The following CDH13 variants were observed in gnomAD, a reference collection of about 807,000 sequenced individuals.
The protein encoded by CDH13 is cadherin-13.
In CDH13, 24 loss-of-function variants were observed where a neutral mutation model predicts 63.8. The ratio of observed to expected loss-of-function variants is 0.38; its 90% CI spans 0.27 to 0.53. The LOEUF is 0.53. CDH13 is among the 20% of genes least tolerant of loss of function. The pLI is 0.85. For synonymous variants in CDH13, 503 were observed against 355.3 expected (o/e 1.42, Z -4.67); for missense variants, 1,049 against 903.1 (o/e 1.16, Z -2.07).
chr16:83,200,062 C>T (rs1307103794), intron 4 of CDH13, among the ~76,000 whole-genome samples: 1 of 152,132 alleles, frequency 6.6e-6, no homozygotes, highest in African/African-American at 2.4e-5. Flanking sequence ...CTGGACAGCG[C>T]CTCATTCCTT....
chr16:83,070,931 T>C (rs2032387423), intron 3 of CDH13, among the ~76,000 whole-genome samples: 1 of 145,876 alleles, frequency 6.9e-6, no homozygotes, highest in African/African-American at 2.5e-5. Context: ...CCAATTTAAG[T>C]TAGGAGGGGA....
intron 7 of CDH13, among the ~76,000 whole-genome samples, chr16:83,521,385 A>T (rs566305895): frequency 2.6e-5 from 4 of 152,304 alleles, no homozygotes; most frequent in Non-Finnish European, 5.9e-5. Flanking sequence ...TGGAAAAAAA[A>T]TTGTATTTTT....
chr16:83,369,840 C>T (rs922198506), intron 6 of CDH13, among the ~76,000 whole-genome samples: 2 of 152,160 alleles, frequency 1.3e-5, no homozygotes, highest in Admixed American at 6.5e-5. Context: ...AAACTGTGAG[C>T]CTCGTGTTTG....
At chr16:82,840,179 C>T (rs1240795908) in intron 1 of CDH13, among the ~76,000 whole-genome samples, 1 of 152,058 alleles carries the variant, frequency 6.6e-6, no homozygotes, top group African/African-American at 2.4e-5. Context: ...AATCTGTATT[C>T]AGATACACCG....
intron 2 of CDH13, among the ~76,000 whole-genome samples, chr16:82,996,467 C>G (rs189244890): frequency 6.6e-6 from 1 of 152,006 alleles, no homozygotes; most frequent in African/African-American, 2.4e-5. Context: ...ATCTCTCTGC[C>G]GGGCTAGTCT....
chr16:83,766,443 C>G (rs1037478536), intron 11 of CDH13, among the ~76,000 whole-genome samples: 4 of 152,184 alleles, frequency 2.6e-5, no homozygotes, highest in Admixed American at 6.5e-5. Context: ...ATGCTGAGCA[C>G]TTATTATATG....
intron 7 of CDH13, among the ~76,000 whole-genome samples, chr16:83,513,532 A>G (rs1217578668): frequency 6.6e-6 from 1 of 152,186 alleles, no homozygotes; most frequent in East Asian, 1.9e-4. Flanking sequence ...GTGGTTGGGA[A>G]GGCCTCAGGA....
chr16:83,278,510 G>C (rs1422726677), intron 5 of CDH13, among the ~76,000 whole-genome samples: 1 of 152,140 alleles, frequency 6.6e-6, no homozygotes, highest in South Asian at 2.1e-4. Flanking sequence ...CGTTATAGTT[G>C]GTTTTGAGTT....
chr16:82,702,526 G>A (rs1203527555), intron 1 of CDH13, among the ~76,000 whole-genome samples: 2 of 152,170 alleles, frequency 1.3e-5, no homozygotes, highest in Non-Finnish European at 2.9e-5. Context: ...ATTAAGAGAA[G>A]TTAATGGAGG....
chr16:83,041,486 AAT>A (rs1167365949), intron 3 of CDH13, among the ~76,000 whole-genome samples: 8 of 152,148 alleles, frequency 5.3e-5, no homozygotes, highest in Admixed American at 5.2e-4. Flanking sequence ...AAAAATATAA[AAT>A]ATATCGTCAA....
chr16:82,873,469 T>A (rs1393255610), intron 2 of CDH13, among the ~76,000 whole-genome samples: 2 of 152,186 alleles, frequency 1.3e-5, no homozygotes, highest in East Asian at 3.9e-4. Context: ...TCATTGCCTC[T>A]GAGAACAGAC....
intron 3 of CDH13, among the ~76,000 whole-genome samples, chr16:83,085,730 C>A (rs1034488378): frequency 6.6e-6 from 1 of 152,140 alleles, no homozygotes; most frequent in African/African-American, 2.4e-5. Flanking sequence ...AACCATGTCA[C>A]TATGGGTTGT....
At chr16:83,792,530 A>G (rs1916342027) in intron 13 of CDH13, among the ~76,000 whole-genome samples, 1 of 152,174 alleles carries the variant, frequency 6.6e-6, no homozygotes, top group African/African-American at 2.4e-5. Flanking sequence ...ATGTCTAGAG[A>G]CATTTTGATT....
chr16:82,885,505 A>G (rs1422370598), intron 2 of CDH13, among the ~76,000 whole-genome samples: 3 of 135,988 alleles, frequency 2.2e-5, no homozygotes, highest in Non-Finnish European at 4.6e-5. Context: ...CCATCCACCC[A>G]TCCATCTATC....
At chr16:83,001,201 G>C (rs1427654423) in intron 2 of CDH13, among the ~76,000 whole-genome samples, 1 of 152,226 alleles carries the variant, frequency 6.6e-6, no homozygotes, top group Non-Finnish European at 1.5e-5. Flanking sequence ...ACACAGCATA[G>C]AAATCTGCAC....
Position 83,106,238 on chromosome 16 carries a change from A to C in CDH13, c.367-19147A>C, listed in dbSNP as rs563744230. Among the ~76,000 whole-genome samples, 5 of 152,238 alleles carry C rather than the reference A, an allele frequency of 3.3e-5. No homozygotes were observed. In the East Asian group the frequency reaches 9.7e-4, roughly 29 times the overall value. On this transcript the variant is annotated intron_variant, in intron 3 of 13. Coordinates refer to ENST00000567109, the MANE Select transcript of CDH13 (RefSeq NM_001257.5). The stretch of plus-strand genomic sequence containing the variant: ...TTCATTTATAGTAAGAAACAATTGG[A>C]AGCACTTAACATACAAGCAGGCCAG...
intron 5 of CDH13, among the ~76,000 whole-genome samples, chr16:83,291,943 A>G (rs1044498963): frequency 2.0e-5 from 3 of 152,174 alleles, no homozygotes; most frequent in African/African-American, 7.2e-5. Flanking sequence ...CAAATTTATC[A>G]CATCACGTTT....
At chr16:83,376,764 C>T (rs1317943658) in intron 6 of CDH13, among the ~76,000 whole-genome samples, 2 of 152,058 alleles carry the variant, frequency 1.3e-5, no homozygotes, top group Non-Finnish European at 2.9e-5. Flanking sequence ...ATCTTGTCCC[C>T]TCCCCTTGAT....
At chr16:83,712,370 T>C (rs9924248) in intron 10 of CDH13, among the ~76,000 whole-genome samples, 24,797 of 152,120 alleles carry the variant, frequency 0.16, 2,174 homozygotes, top group East Asian at 0.29. Flanking sequence ...AGGCCTGCTT[T>C]AGCATTGAAA....
Sources: allele counts gnomAD v4.1 joint callset (sites outside exome capture counted in the v4.1 genomes callset), GRCh38; gene constraint gnomAD v4.1.1; transcripts MANE v1.5; gene names NCBI Gene and HGNC (gene_info 2026-07-23, HGNC 2026-07-21).